UTRN: variants seen among roughly 807,000 people sequenced by gnomAD.
UTRN encodes dystrophin-related protein 1.
Under a neutral mutation model 463.9 loss-of-function variants are expected in UTRN, and 283 were observed. That is an observed-to-expected ratio of 0.61 (90% CI 0.55 to 0.67). The LOEUF (loss-of-function observed/expected upper bound fraction) is 0.67. Ranked by LOEUF, UTRN falls within the 30% of genes least tolerant of loss-of-function variation. The pLI is 0.00. For synonymous variants in UTRN, 1,442 were observed against 1,431.5 expected, an observed-to-expected ratio of 1.01 and a Z score of -0.17; for missense variants, 3,922 against 4,084.3, an observed-to-expected ratio of 0.96 and a Z score of 1.08.
Position 144,797,864 on chromosome 6 carries a change from A to G in UTRN, c.9119A>G (p.Asp3040Gly). ...GAAATAAGTGTGAAAGAGTTTATAG[A>G]TTGGATGCATTTGGAACCACAGTCC... The part of the protein sequence containing the change: ...KPEISVKEFI[D>G]WMHLEPQSMV... The change falls in exon 64 of 75, where the codon GAT becomes GGT. Residue 3040 changes from aspartate to glycine, a missense_variant. Asp to Gly is a moderately conservative substitution (Grantham distance 94). Coordinates refer to ENST00000367545, the MANE Select transcript of UTRN (RefSeq NM_007124.3). The G allele has an allele frequency of 6.2e-7, 1 of 1,614,172 alleles. No homozygotes were observed. Among genetic ancestry groups the G allele is most frequent in the Non-Finnish European group, 8.5e-7 (1 of 1,180,004 alleles).
chr6:144,773,014 G>T (rs1794256978), intron 59 of UTRN, among the ~76,000 whole-genome samples: 1 of 151,710 alleles, frequency 6.6e-6, no homozygotes, highest in South Asian at 2.1e-4. Context: ...GCCTGCAAAA[G>T]TTGGACAAAC....
intron 51 of UTRN, among the ~76,000 whole-genome samples, chr6:144,590,567 A>G (rs1006860596): frequency 6.6e-6 from 1 of 152,182 alleles, no homozygotes; most frequent in African/African-American, 2.4e-5. Flanking sequence ...AATTCAAAGA[A>G]CATGTATTGA....
intron 58 of UTRN, among the ~76,000 whole-genome samples, chr6:144,769,927 T>C (rs1348099425): frequency 2.6e-5 from 4 of 152,216 alleles, no homozygotes; most frequent in Non-Finnish European, 5.9e-5. Context: ...AGACTCTGCA[T>C]TTCTGTAAAG....
rs1781357468 is a variant in UTRN, at chr6:144,839,274, C to G, written c.10167C>G (p.Phe3389Leu). 6.2e-7 allele frequency: 1 copy of G among 1,613,496 alleles called. No individual in the cohort carries two copies. Among genetic ancestry groups the G allele is most frequent in the Non-Finnish European group, 8.5e-7 (1 of 1,179,818 alleles). Residue 3389 changes from phenylalanine to leucine, a missense_variant, in exon 72 of 75, where the codon TTC becomes TTG. Physicochemically the swap from Phe to Leu is conservative, Grantham distance 22. Coordinates refer to ENST00000367545, the MANE Select transcript of UTRN (RefSeq NM_007124.3). ...SLDPDASGPQFHQAAGEDLLA... is the reference protein window; with the variant it reads ...SLDPDASGPQLHQAAGEDLLA... ...ATCCAGATGCCTCCGGCCCACAGTT[C>G]CACCAGGCAGGTCGGTGTCCCCAGC...
intron 64 of UTRN, among the ~76,000 whole-genome samples, chr6:144,800,775 TGA>T (rs76801407): frequency 0.15 from 23,090 of 152,124 alleles, 2,018 homozygotes; most frequent in South Asian, 0.25. Context: ...GCTAAACCTA[TGA>T]GTGTGTTGTT....
intron 69 of UTRN, among the ~76,000 whole-genome samples, chr6:144,833,510 C>T (rs547857892): frequency 6.6e-6 from 1 of 152,276 alleles, no homozygotes; most frequent in Non-Finnish European, 1.5e-5. Context: ...TTTTTGGGTA[C>T]TCTGTCTTTA....
intron 51 of UTRN, among the ~76,000 whole-genome samples, chr6:144,588,169 C>T (rs898833013): frequency 1.3e-4 from 20 of 152,118 alleles, no homozygotes; most frequent in African/African-American, 4.6e-4. Context: ...AACACCTGCA[C>T]CCCTGCCTGC....
At chr6:144,384,440 T>A (rs145319948) in intron 2 of UTRN, among the ~76,000 whole-genome samples, 2 of 152,254 alleles carry the variant, frequency 1.3e-5, no homozygotes, top group Non-Finnish European at 2.9e-5. Context: ...TGATCTGTGG[T>A]GAAACAGTTT....
At chr6:144,635,942 AT>A (rs903311967) in intron 51 of UTRN, among the ~76,000 whole-genome samples, 26 of 151,902 alleles carry the variant, frequency 1.7e-4, no homozygotes, top group African/African-American at 5.8e-4. Context: ...GAAAATTATT[AT>A]TTTTTTTAAA....
chr6:144,359,655 A>G (rs1379341270), intron 2 of UTRN, among the ~76,000 whole-genome samples: 3 of 151,178 alleles, frequency 2.0e-5, no homozygotes, highest in Middle Eastern at 3.2e-3. Flanking sequence ...ATGAGCATCT[A>G]TTATATTTTT....
chr6:144,609,965 A>G (rs1388182673), intron 51 of UTRN, among the ~76,000 whole-genome samples: 1 of 152,168 alleles, frequency 6.6e-6, no homozygotes, highest in Admixed American at 6.5e-5. Context: ...ATAAATGCCT[A>G]TATCAAGAAA....
intron 2 of UTRN, among the ~76,000 whole-genome samples, chr6:144,346,748 G>A (rs567562525): frequency 1.3e-5 from 2 of 152,218 alleles, no homozygotes; most frequent in East Asian, 1.9e-4. Flanking sequence ...GCTTGAACCC[G>A]GGAGGCGGGG....
chr6:144,611,310 G>A (rs73005511), intron 51 of UTRN, among the ~76,000 whole-genome samples: 23,879 of 152,156 alleles, frequency 0.16, 2,102 homozygotes, highest in South Asian at 0.28. Context: ...CAGGGGCAAG[G>A]CAGGGATGCC....
chr6:144,307,199 T>C (rs1358284663), intron 2 of UTRN, among the ~76,000 whole-genome samples: 1 of 152,206 alleles, frequency 6.6e-6, no homozygotes, highest in Non-Finnish European at 1.5e-5. Flanking sequence ...AAGTGGTTTT[T>C]GATTTGTAAT....
intron 2 of UTRN, among the ~76,000 whole-genome samples, chr6:144,346,507 A>G (rs1212555053): frequency 1.3e-5 from 2 of 152,076 alleles, no homozygotes; most frequent in South Asian, 2.1e-4. Context: ...AGAAATAAGG[A>G]CATTAAATTT....
At chr6:144,783,130 A>G (rs1468837060) in intron 61 of UTRN, among the ~76,000 whole-genome samples, 1 of 151,824 alleles carries the variant, frequency 6.6e-6, no homozygotes, top group African/African-American at 2.4e-5. Context: ...CAGGAGGCAA[A>G]GGTTGCAGTG....
rs747196112 is a variant in UTRN, at chr6:144,429,694, C to T, written c.808C>T (p.Pro270Ser). The change falls in exon 9 of 75, where the codon CCA becomes TCA. Residue 270 changes from proline to serine, a missense_variant. Coordinates refer to ENST00000367545, the MANE Select transcript of UTRN (RefSeq NM_007124.3). Reference protein sequence around the residue: ...IDAIREVETLPRKYKKECEEE... With the variant: ...IDAIREVETLSRKYKKECEEE... ...CGCCATCCGTGAGGTAGAGACACTCCCAAGGAAATATAAAAAAGAATGTGA... is the reference window on the plus strand; with the variant it reads ...CGCCATCCGTGAGGTAGAGACACTCTCAAGGAAATATAAAAAAGAATGTGA... The T allele has an allele frequency of 6.2e-7, 1 of 1,611,928 alleles. No individual in the cohort carries two copies. Among genetic ancestry groups the T allele is most frequent in the Non-Finnish European group, 8.5e-7 (1 of 1,179,224 alleles).
chr6:144,683,236 T>C (rs1782388676), intron 52 of UTRN, among the ~76,000 whole-genome samples: 1 of 152,126 alleles, frequency 6.6e-6, no homozygotes, highest in Admixed American at 6.5e-5. Context: ...AAACCATACA[T>C]GGAAGAGTAG....
chr6:144,511,990 T>C (rs1221347523), intron 35 of UTRN, among the ~76,000 whole-genome samples: 1 of 152,184 alleles, frequency 6.6e-6, no homozygotes, highest in Non-Finnish European at 1.5e-5. Context: ...TGTGTTTGAA[T>C]ATTTATTTAA....
Sources: gnomAD v4.1 joint callset for allele counts (sites outside exome capture counted in the v4.1 genomes callset) on GRCh38, gnomAD v4.1.1 for gene constraint, MANE v1.5 for transcripts, NCBI Gene and HGNC (gene_info 2026-07-23, HGNC 2026-07-21) for gene names.